Variants in DNAJC10 observed in about 807,000 individuals in gnomAD.
DNAJC10 encodes DnaJ heat shock protein family (Hsp40) member C10.
DNAJC10 carries 101 observed loss-of-function variants against 115.0 expected under a neutral mutation model. That is an observed-to-expected ratio of 0.88 (90% CI 0.75 to 1.04). DNAJC10 has a LOEUF of 1.04. DNAJC10 is among the 50% of genes least tolerant of loss of function. The pLI is 0.00. For missense variants in DNAJC10, 981 were observed against 928.8 expected (o/e 1.06, Z -0.73); for synonymous variants, 307 against 301.5 (o/e 1.02, Z -0.19).
chr2:182,740,989 A>G (rs184357484), intron 12 of DNAJC10, among the ~76,000 whole-genome samples: 1 of 152,278 alleles, frequency 6.6e-6, no homozygotes, highest in East Asian at 1.9e-4. Context: ...TGTTAAAATC[A>G]TGTATTTGTT....
chr2:182,741,826 T>C (rs1235118288), intron 13 of DNAJC10, among the ~76,000 whole-genome samples: 2 of 152,176 alleles, frequency 1.3e-5, no homozygotes, highest in Non-Finnish European at 1.5e-5. Context: ...TGTAGGCATA[T>C]GTATATGTGT....
chr2:182,732,420 T>G (rs747990022), intron 9 of DNAJC10, 79 bp from the exon 10 acceptor site: 1 of 1,380,264 alleles, frequency 7.2e-7, no homozygotes, highest in African/African-American at 1.4e-5. Context: ...ACATGGTAAT[T>G]TGGGGGAAAG....
intron 11 of DNAJC10, among the ~76,000 whole-genome samples, chr2:182,738,142 A>G (rs1693633160): frequency 6.6e-6 from 1 of 152,194 alleles, no homozygotes; most frequent in South Asian, 2.1e-4. Flanking sequence ...TGACATACTT[A>G]GTTTAATCAG....
At chr2:182,727,890 G>A (rs372212703) in intron 5 of DNAJC10, among the ~76,000 whole-genome samples, 63 of 152,222 alleles carry the variant, frequency 4.1e-4, no homozygotes, top group African/African-American at 1.5e-3. Context: ...TCATTTTACA[G>A]ATAAAATATA....
chr2:182,776,566 T>G (rs1279448143), intron 23 of DNAJC10, among the ~76,000 whole-genome samples: 3 of 152,210 alleles, frequency 2.0e-5, no homozygotes, highest in Non-Finnish European at 2.9e-5. Flanking sequence ...TAGAGAAGAC[T>G]GGCTTTATAG....
At chr2:182,739,623 T>G (rs546833346) in intron 11 of DNAJC10, 1 of 1,137,642 alleles carries the variant, frequency 8.8e-7, no homozygotes, top group South Asian at 2.0e-5. Context: ...TATTGACAAA[T>G]AAAGAAGATT....
intron 8 of DNAJC10, among the ~76,000 whole-genome samples, 153 bp downstream of exon 8, chr2:182,730,094 A>G (rs1693402837): frequency 6.6e-6 from 1 of 152,086 alleles, no homozygotes; most frequent in Non-Finnish European, 1.5e-5. Context: ...TTTACTCTGA[A>G]CTCTGCTGAA....
At chr2:182,770,468 G>C (rs976383513) in intron 22 of DNAJC10, among the ~76,000 whole-genome samples, 1 of 152,106 alleles carries the variant, frequency 6.6e-6, no homozygotes. Context: ...TCTTCCATTT[G>C]TTTGTGTCCT....
In DNAJC10 at chr2:182,729,828, CT is replaced by C. The variant is rs1339064108; in HGVS notation, c.634-18del. On this transcript the variant is annotated intron_variant, in intron 7 of 23. Transcript: ENST00000264065. Reference sequence around the variant, plus strand: ...AAAAGAAAAAGTAAAAGATGTTTCTCTTCTTACAAAAACCAATAGGCCCCAG... The same window carrying C: ...AAAAGAAAAAGTAAAAGATGTTTCTCTCTTACAAAAACCAATAGGCCCCAG... 1 of 1,511,954 alleles carries C rather than the reference CT, an allele frequency of 6.6e-7. No individual in the cohort carries two copies. Among genetic ancestry groups the C allele is most frequent in the East Asian group, 2.3e-5 (1 of 42,844 alleles). 93.7% of individuals were successfully genotyped at this position (1,511,954 alleles called of 1,614,324 possible).
intron 4 of DNAJC10, among the ~76,000 whole-genome samples, chr2:182,721,768 AATT>A (rs1416508773): frequency 6.6e-6 from 1 of 152,084 alleles, no homozygotes; most frequent in East Asian, 1.9e-4. Flanking sequence ...ATGGAGGTAA[AATT>A]ATGTGAATAT....
intron 10 of DNAJC10, among the ~76,000 whole-genome samples, chr2:182,733,376 C>T (rs1273922616): frequency 6.6e-6 from 1 of 151,800 alleles, no homozygotes; most frequent in East Asian, 1.9e-4. Context: ...TCACCCTATG[C>T]CTAGGCCTTT....
chr2:182,732,441 G>A, intron 9 of DNAJC10, 58 bp from the exon 10 acceptor site: 1 of 1,541,138 alleles, frequency 6.5e-7, no homozygotes. Context: ...GCAAATGCAA[G>A]TATTTTCATC....
rs1694770923 is a variant in DNAJC10, at chr2:182,778,646, C to G, written c.*1514C>G. 1 of 151,964 alleles carries G rather than the reference C, an allele frequency of 6.6e-6. No homozygotes were observed. The highest frequency in any genetic ancestry group is 2.4e-5 in the African/African-American group (1 of 41,360). The allele number at this position is 151,964 out of a possible 1,614,324, so 9.4% of individuals were successfully genotyped here. On this transcript the variant is annotated 3_prime_UTR_variant, in exon 24 of 24. Coordinates refer to ENST00000264065, the MANE Select transcript of DNAJC10 (RefSeq NM_018981.4). ...AATTAATGTTAAAATAGACTTTGTT[C>G]TTCATATTCTCCCATCTTTTTCGCT... is the stretch of plus-strand genomic sequence containing the variant.
chr2:182,729,739 T>G (rs1693392471), intron 7 of DNAJC10, 109 bp from the exon 8 acceptor site: 6 of 609,814 alleles, frequency 9.8e-6, no homozygotes, highest in Non-Finnish European at 1.7e-5. Context: ...GAAATAGAGC[T>G]TTGCTGCATT....
chr2:182,776,063 G>A (rs1212106553), intron 23 of DNAJC10, among the ~76,000 whole-genome samples: 6 of 151,752 alleles, frequency 4.0e-5, no homozygotes, highest in Non-Finnish European at 1.5e-5. Context: ...GGACAACTCT[G>A]AATATACCAA....
intron 5 of DNAJC10, among the ~76,000 whole-genome samples, chr2:182,724,509 A>G (rs973667406): frequency 6.6e-6 from 1 of 152,222 alleles, no homozygotes; most frequent in African/African-American, 2.4e-5. Context: ...GTAAGACATT[A>G]AAACATGCAT....
intron 23 of DNAJC10, among the ~76,000 whole-genome samples, chr2:182,776,156 CTG>C (rs2105712011): frequency 1.3e-5 from 2 of 151,844 alleles, no homozygotes; most frequent in Non-Finnish European, 2.9e-5. Flanking sequence ...AAAATAGTGA[CTG>C]TGGCCATAAA....
rs1370252259 is a variant in DNAJC10 at position 182,790,067 on chromosome 2, A to G, written c.*12935A>G. On this transcript the variant is annotated 3_prime_UTR_variant, in exon 24 of 24. Coordinates refer to ENST00000264065, the MANE Select transcript of DNAJC10 (RefSeq NM_018981.4). The stretch of plus-strand genomic sequence containing the variant: ...AAATCTAACTTAAATCCCAAATCCA[A>G]CTTCCACTGTAAAGCCTTTGCTGAC... 2 of 152,106 alleles carry G rather than the reference A, an allele frequency of 1.3e-5. No homozygotes were observed. Among genetic ancestry groups the G allele is most frequent in the Non-Finnish European group, 2.9e-5 (2 of 68,012 alleles). The allele number at this position is 152,106 out of a possible 1,614,324, so 9.4% of individuals were successfully genotyped here. A position where few individuals can be genotyped will look rare whatever the true frequency, so the allele number is the denominator to read the frequency against.
In DNAJC10 at chr2:182,791,538, A is replaced by G. The variant is rs942461012; in HGVS notation, c.*14406A>G. On this transcript the variant is annotated 3_prime_UTR_variant, in exon 24 of 24. Coordinates refer to ENST00000264065, the MANE Select transcript of DNAJC10 (RefSeq NM_018981.4). ...TGTCCATAATGATTATATAGTTGTTAGCAAAATATTGGTCAAAACTTTTTC... is the reference window on the plus strand; with the variant it reads ...TGTCCATAATGATTATATAGTTGTTGGCAAAATATTGGTCAAAACTTTTTC... 1 of 152,196 alleles carries G rather than the reference A, an allele frequency of 6.6e-6. No homozygotes were observed. Among genetic ancestry groups the G allele is most frequent in the Non-Finnish European group, 1.5e-5 (1 of 68,022 alleles). The allele number at this position is 152,196 out of a possible 1,614,324, so 9.4% of individuals were successfully genotyped here.
Sources: allele counts gnomAD v4.1 joint callset (sites outside exome capture counted in the v4.1 genomes callset), GRCh38; gene constraint gnomAD v4.1.1; transcripts MANE v1.5; gene names NCBI Gene and HGNC (gene_info 2026-07-23, HGNC 2026-07-21).